The following SFMBT2 variants were observed in gnomAD, a reference collection of about 807,000 sequenced individuals.
SFMBT2 encodes the protein scm-like with four MBT domains protein 2.
SFMBT2 carries 38 observed loss-of-function variants against 110.1 expected under a neutral mutation model. That is an observed-to-expected ratio of 0.35 (90% CI 0.27 to 0.45). The LOEUF (loss-of-function observed/expected upper bound fraction) is 0.45. Ranked by LOEUF, SFMBT2 falls within the 20% of genes least tolerant of loss-of-function variation. The pLI is 1.00. For missense variants in SFMBT2, 1,011 were observed against 1,094.9 expected, an observed-to-expected ratio of 0.92 and a Z score of 1.08; for synonymous variants, 425 against 425.4, an observed-to-expected ratio of 1.00 and a Z score of 0.01.
chr10:7,215,721 C>T (rs769687339), intron 11 of SFMBT2: 17 of 985,450 alleles, frequency 1.7e-5, no homozygotes, highest in Non-Finnish European at 2.0e-5. Context: ...AATTTAAGCC[C>T]ACTGACTCAA....
chr10:7,367,191 A>ATGTC lies in SFMBT2; in HGVS notation c.436+457_436+458insGACA, dbSNP rs1454811077. 1.3e-5 allele frequency among the ~76,000 whole-genome samples: 2 copies of ATGTC among 152,136 alleles called. No homozygotes were observed. Among genetic ancestry groups the ATGTC allele is most frequent in the African/African-American group, 4.8e-5 (2 of 41,426 alleles). The stretch of plus-strand genomic sequence containing the variant: ...AAAAGTTATTAGAGAAGCCTGCTTA[A>ATGTC]GACACTCTGTTACTGTTCAAATGTC... On this transcript the variant is annotated intron_variant, in intron 4 of 20. Transcript: ENST00000397167. This position sits in a 1 kb window ranked among gnomAD's most constrained non-coding sequence, Gnocchi z 6.2.
rs1011155053 is a variant in SFMBT2 at position 7,175,549 on chromosome 10, C to A, written c.1984+441G>T. Among the ~76,000 whole-genome samples, 10 of 152,052 alleles carry A rather than the reference C, an allele frequency of 6.6e-5. 1 individual carries two copies. Among genetic ancestry groups the A allele is most frequent in the Admixed American group, 6.5e-4 (10 of 15,268 alleles). On this transcript the variant is annotated intron_variant, in intron 17 of 20. Coordinates refer to ENST00000397167, the MANE Select transcript of SFMBT2 (RefSeq NM_001387889.1). Reference sequence around the variant, plus strand: ...AGGAAGGCGTCTAAACATGAGAAGCCGATTATGACAAGGATGTGGCCCCCG... The same window carrying A: ...AGGAAGGCGTCTAAACATGAGAAGCAGATTATGACAAGGATGTGGCCCCCG...
At chr10:7,372,849 CCTT>C (rs962538323) in intron 2 of SFMBT2, among the ~76,000 whole-genome samples, 1 of 152,232 alleles carries the variant, frequency 6.6e-6, no homozygotes, top group Non-Finnish European at 1.5e-5. Flanking sequence ...TTTCCATCCT[CCTT>C]GTCTGGCCTC....
chr10:7,181,703 T>A (rs900272162), intron 16 of SFMBT2, among the ~76,000 whole-genome samples: 11 of 152,204 alleles, frequency 7.2e-5, no homozygotes, highest in Non-Finnish European at 1.5e-4. Flanking sequence ...ATAAATTGAT[T>A]GTGAAATCCA....
rs1837845256 is a variant in SFMBT2 at position 7,170,620 on chromosome 10, C to G, written c.2544+308G>C. 6.6e-6 allele frequency among the ~76,000 whole-genome samples: 1 copy of G among 152,050 alleles called. No individual in the cohort carries two copies. Among genetic ancestry groups the G allele is most frequent in the African/African-American group, 2.4e-5 (1 of 41,398 alleles). On this transcript the variant is annotated intron_variant, in intron 20 of 20. Coordinates refer to ENST00000397167, the MANE Select transcript of SFMBT2 (RefSeq NM_001387889.1). The surrounding 1 kb of genome is among the most constrained non-coding windows in gnomAD (Gnocchi z 4.6). ...GCAGGGGGAGCGTGGACTCGCACCC[C>G]TCACCTGGCAGCAACAGGCACCTCC...
At chr10:7,206,674 G>A in intron 11 of SFMBT2, 1 of 827,598 alleles carries the variant, frequency 1.2e-6, no homozygotes, top group Non-Finnish European at 1.5e-6. Context: ...ATGAGGACCT[G>A]GCTTCACAGC....
At position 7,205,884 on chromosome 10, in the gene SFMBT2, T is replaced by C. The variant is rs772661285; in HGVS notation, c.1375A>G (p.Met459Val). 2 of 1,614,106 alleles carry C rather than the reference T, an allele frequency of 1.2e-6. No individual in the cohort carries two copies. The highest frequency in any genetic ancestry group is 1.7e-6 in the Non-Finnish European group (2 of 1,179,978). Reference sequence around the variant, plus strand: ...CACCAGCCCACTGGGAAGATGTCCATGGATTCCACATCAACAATGACCTCT... The same window carrying C: ...CACCAGCCCACTGGGAAGATGTCCACGGATTCCACATCAACAATGACCTCT... ...VPEVIVDVESMDIFPVGWCEA... is the reference protein window; with the variant it reads ...VPEVIVDVESVDIFPVGWCEA... The change falls in exon 12 of 21, where the codon ATG becomes GTG. Residue 459 changes from methionine to valine, a missense_variant. Physicochemically the swap from Met to Val is conservative, Grantham distance 21. Transcript: ENST00000397167.
chr10:7,359,028 A>G (rs1360277874), intron 4 of SFMBT2, among the ~76,000 whole-genome samples: 2 of 152,218 alleles, frequency 1.3e-5, no homozygotes, highest in East Asian at 3.8e-4. Context: ...CCCCAGTCCA[A>G]CAAACTAGAG....
At chr10:7,329,590 T>C (rs1588453707) in intron 4 of SFMBT2, 5 of 763,794 alleles carry the variant, frequency 6.5e-6, no homozygotes, top group Non-Finnish European at 8.0e-6. Flanking sequence ...CATTTGCTGA[T>C]GCTCACAGAT....
At chr10:7,274,260 G>A (rs138094484) in intron 7 of SFMBT2, among the ~76,000 whole-genome samples, 1 of 152,268 alleles carries the variant, frequency 6.6e-6, no homozygotes, top group East Asian at 1.9e-4. Flanking sequence ...GCCAAGGCAG[G>A]AGGATCACTT....
At chr10:7,199,145 A>G (rs2131598157) in intron 14 of SFMBT2, among the ~76,000 whole-genome samples, 1 of 150,882 alleles carries the variant, frequency 6.6e-6, no homozygotes, top group East Asian at 2.0e-4. Context: ...TGCCCGGCTA[A>G]TTTTTGTATT....
intron 4 of SFMBT2, among the ~76,000 whole-genome samples, chr10:7,353,590 C>G (rs563064152): frequency 1.3e-5 from 2 of 152,052 alleles, no homozygotes; most frequent in Admixed American, 1.3e-4. Flanking sequence ...TCATATACCC[C>G]CCATACAAGA....
chr10:7,171,061 A>G lies in SFMBT2; in HGVS notation c.2416-5T>C, dbSNP rs767761584. 2.5e-6 allele frequency: 4 copies of G among 1,613,948 alleles called. No homozygotes were observed. In the Admixed American group the frequency reaches 5.0e-5, roughly 20 times the overall value. Reference sequence around the variant, plus strand: ...CTCCTCCTCCTGTTTCGTGTCCTGCAGAGAAAGGGCAGGAGGAGCTCAGCT... The same window carrying G: ...CTCCTCCTCCTGTTTCGTGTCCTGCGGAGAAAGGGCAGGAGGAGCTCAGCT... On this transcript the variant is annotated splice_region_variant and splice_polypyrimidine_tract_variant and intron_variant, in intron 19 of 20. Coordinates refer to ENST00000397167, the MANE Select transcript of SFMBT2 (RefSeq NM_001387889.1). The surrounding 1 kb of genome is among the most constrained non-coding windows in gnomAD (Gnocchi z 4.9).
intron 4 of SFMBT2, among the ~76,000 whole-genome samples, chr10:7,344,810 T>A (rs1033677855): frequency 1.1e-4 from 17 of 151,632 alleles, no homozygotes; most frequent in Non-Finnish European, 2.2e-4. Flanking sequence ...CACAAAAAAA[T>A]TAGCCGGGCA....
At chr10:7,184,993 C>T (rs760791193) in intron 16 of SFMBT2, among the ~76,000 whole-genome samples, 12 of 152,174 alleles carry the variant, frequency 7.9e-5, no homozygotes, top group Admixed American at 2.0e-4. Flanking sequence ...ACTTCAGGGT[C>T]GGGAGAATGG....
chr10:7,218,385 A>G (rs985621423), intron 11 of SFMBT2, among the ~76,000 whole-genome samples: 1 of 152,250 alleles, frequency 6.6e-6, no homozygotes, highest in East Asian at 1.9e-4. Context: ...AATTCAAGCA[A>G]GACCCAGGAA....
chr10:7,388,587 G>T (rs989808187), intron 1 of SFMBT2, among the ~76,000 whole-genome samples: 1 of 147,352 alleles, frequency 6.8e-6, no homozygotes, highest in African/African-American at 2.6e-5. Context: ...TGTTGGCCAG[G>T]CTGGTCTCAA....
At chr10:7,247,586 A>G (rs949256529) in intron 8 of SFMBT2, among the ~76,000 whole-genome samples, 10 of 152,254 alleles carry the variant, frequency 6.6e-5, no homozygotes, top group Admixed American at 6.5e-4. Context: ...AAATTTTTAA[A>G]AACTCATGAC....
intron 1 of SFMBT2, among the ~76,000 whole-genome samples, chr10:7,402,645 A>C (rs959208867): frequency 6.6e-6 from 1 of 152,188 alleles, no homozygotes; most frequent in Admixed American, 6.5e-5. Context: ...AATATAGAGC[A>C]AGAGCCTTTG....
Sources: allele counts gnomAD v4.1 joint callset (sites outside exome capture counted in the v4.1 genomes callset), GRCh38; gene constraint gnomAD v4.1.1; non-coding constraint Gnocchi (gnomAD v3.1); transcripts MANE v1.5; gene names NCBI Gene and HGNC (gene_info 2026-07-23, HGNC 2026-07-21).